The following PPHLN1 variants were observed in gnomAD, a reference collection of about 807,000 sequenced individuals.
The protein encoded by PPHLN1 is periphilin-1.
In PPHLN1, 29 loss-of-function variants were observed where a neutral mutation model predicts 51.3. The ratio of observed to expected loss-of-function variants is 0.57; its 90% CI spans 0.42 to 0.77. The LOEUF (loss-of-function observed/expected upper bound fraction) is 0.77. PPHLN1 is among the 30% of genes least tolerant of loss of function. The probability of loss-of-function intolerance (pLI) is 0.00; values close to 1 mark genes in which losing one functional copy is unlikely to be tolerated. For synonymous variants in PPHLN1, 147 were observed against 147.8 expected (o/e 0.99, Z 0.04); for missense variants, 436 against 438.4 (o/e 0.99, Z 0.05).
chr12:42,413,370 G>A (rs897191462), intron 9 of PPHLN1, among the ~76,000 whole-genome samples: 2 of 152,062 alleles, frequency 1.3e-5, no homozygotes, highest in Non-Finnish European at 2.9e-5. Context: ...TATGCATAGG[G>A]TGTCCTTTCC....
At chr12:42,339,786 T>C (rs2071203050) in intron 2 of PPHLN1, among the ~76,000 whole-genome samples, 2 of 152,188 alleles carry the variant, frequency 1.3e-5, no homozygotes, top group Non-Finnish European at 1.5e-5. Flanking sequence ...AAATGATATT[T>C]TGCAATACCT....
chr12:42,366,996 CTG>C (rs1592445995), intron 4 of PPHLN1, among the ~76,000 whole-genome samples: 1 of 152,140 alleles, frequency 6.6e-6, no homozygotes, highest in East Asian at 1.9e-4. Context: ...ACATTCATGT[CTG>C]TAAATACCTG....
intron 1 of PPHLN1, chr12:42,332,729 ATAG>A: frequency 7.5e-7 from 1 of 1,339,508 alleles, no homozygotes; most frequent in Non-Finnish European, 1.0e-6. Flanking sequence ...AGTATTTAAT[ATAG>A]TAGTTATTGT....
intron 8 of PPHLN1, among the ~76,000 whole-genome samples, chr12:42,396,930 T>C (rs2078280241): frequency 6.6e-6 from 1 of 151,714 alleles, no homozygotes; most frequent in African/African-American, 2.4e-5. Flanking sequence ...GTTCTAGCTG[T>C]TCAGGAGGCT....
chr12:42,344,211 A>G (rs993233085), intron 2 of PPHLN1, among the ~76,000 whole-genome samples: 2 of 152,186 alleles, frequency 1.3e-5, no homozygotes, highest in African/African-American at 4.8e-5. Context: ...GTAGGCTTAC[A>G]TTTGCATTGT....
intron 9 of PPHLN1, among the ~76,000 whole-genome samples, chr12:42,438,775 A>G (rs2082693226): frequency 6.6e-6 from 1 of 151,696 alleles, no homozygotes; most frequent in Non-Finnish European, 1.5e-5. Flanking sequence ...CTAATTTTTC[A>G]TATTTTTAGT....
chr12:42,415,032 A>G (rs2080244994), intron 9 of PPHLN1, among the ~76,000 whole-genome samples: 1 of 152,072 alleles, frequency 6.6e-6, no homozygotes, highest in Non-Finnish European at 1.5e-5. Flanking sequence ...CCTTGCATGT[A>G]TTATATTTTG....
chr12:42,444,896 C>G (rs1235000761), downstream of PPHLN1: 1 of 584,110 alleles, frequency 1.7e-6, no homozygotes, highest in Non-Finnish European at 3.0e-6. Flanking sequence ...AAGCGGCTAT[C>G]TGGTGGAAAC....
At chr12:42,438,174 T>G (rs2082642543) in intron 9 of PPHLN1, among the ~76,000 whole-genome samples, 1 of 152,202 alleles carries the variant, frequency 6.6e-6, no homozygotes, top group Admixed American at 6.5e-5. Context: ...TCAACTTATT[T>G]GGATAAATAC....
intron 9 of PPHLN1, among the ~76,000 whole-genome samples, chr12:42,432,549 C>G (rs1426216313): frequency 6.6e-6 from 1 of 152,166 alleles, no homozygotes; most frequent in Non-Finnish European, 1.5e-5. Context: ...TTTCCAATTA[C>G]TTTTCCAGTG....
At chr12:42,395,915 A>C (rs2078157903) in intron 8 of PPHLN1, among the ~76,000 whole-genome samples, 1 of 152,190 alleles carries the variant, frequency 6.6e-6, no homozygotes, top group African/African-American at 2.4e-5. Flanking sequence ...TGTAGTTCAT[A>C]GAAAGTCCAG....
chr12:42,326,971 G>A (rs3810788), intron 1 of PPHLN1, among the ~76,000 whole-genome samples: 22,925 of 152,166 alleles, frequency 0.15, 1,796 homozygotes, highest in Admixed American at 0.2. Flanking sequence ...AGAGACGGAA[G>A]TACAATCCAT....
chr12:42,426,851 G>A lies in PPHLN1; in HGVS notation c.910-14464G>A, dbSNP rs558472151. ...AACTTCTGTATCTTCAGAAGATAAT[G>A]CGACCTATATATTGAATTGTCTCTG... is the stretch of plus-strand genomic sequence containing the variant. On this transcript the variant is annotated intron_variant, in intron 9 of 9. Transcript: ENST00000358314. Among the ~76,000 whole-genome samples, 5 of 152,216 alleles carry A rather than the reference G, an allele frequency of 3.3e-5. No individual in the cohort carries two copies. The South Asian group carries it at 6.2e-4, about 19-fold the overall frequency.
intron 9 of PPHLN1, among the ~76,000 whole-genome samples, chr12:42,437,009 GCT>G (rs1162768935): frequency 6.6e-6 from 1 of 151,998 alleles, no homozygotes; most frequent in African/African-American, 2.4e-5. Context: ...TATTGTCCTG[GCT>G]CTCAGGAGCA....
At chr12:42,329,596 C>T (rs1238942249) in intron 1 of PPHLN1, among the ~76,000 whole-genome samples, 4 of 152,068 alleles carry the variant, frequency 2.6e-5, no homozygotes, top group Non-Finnish European at 5.9e-5. Context: ...TAAACCCTCA[C>T]TACTAGAAAT....
intron 9 of PPHLN1, among the ~76,000 whole-genome samples, chr12:42,409,336 A>G (rs2079599119): frequency 6.6e-6 from 1 of 152,170 alleles, no homozygotes. Context: ...ATACTGGAGA[A>G]CTGAAATGTG....
Position 42,332,959 on chromosome 12 carries a change from T to C in PPHLN1, c.-20-2924T>C, listed in dbSNP as rs190148957. ...TTCAGGAACTTTAAAAACAGTTACATACTTTTGTAATACATAATAGTATAT... is the reference window on the plus strand; with the variant it reads ...TTCAGGAACTTTAAAAACAGTTACACACTTTTGTAATACATAATAGTATAT... On this transcript the variant is annotated intron_variant, in intron 1 of 9. Coordinates refer to ENST00000358314, the MANE Select transcript of PPHLN1 (RefSeq NM_201439.2). Among the ~76,000 whole-genome samples, 787 of 152,322 alleles carry C rather than the reference T, an allele frequency of 5.2e-3. 4 individuals carry two copies. The highest frequency in any genetic ancestry group is 6.4e-3 in the Non-Finnish European group (434 of 68,030).
intron 6 of PPHLN1, 131 bp downstream of exon 6, chr12:42,385,127 A>C: frequency 1.1e-6 from 1 of 917,248 alleles, no homozygotes; most frequent in Non-Finnish European, 1.7e-6. Flanking sequence ...TTAGCAGTAG[A>C]CCTAGGTACT....
chr12:42,416,999 A>C (rs546795770), intron 9 of PPHLN1, among the ~76,000 whole-genome samples: 35 of 152,324 alleles, frequency 2.3e-4, no homozygotes, highest in African/African-American at 8.2e-4. Flanking sequence ...GAGTATTATG[A>C]TTAAGATGTT....
Sources: allele counts gnomAD v4.1 joint callset (sites outside exome capture counted in the v4.1 genomes callset), GRCh38; gene constraint gnomAD v4.1.1; transcripts MANE v1.5; gene names NCBI Gene and HGNC (gene_info 2026-07-23, HGNC 2026-07-21).